FBXO4: variants seen among roughly 807,000 people sequenced by gnomAD.
FBXO4 encodes F-box only protein 4.
In FBXO4, 36 loss-of-function variants were observed where a neutral mutation model predicts 43.7. The observed-to-expected ratio is 0.82, with a 90% CI of 0.63 to 1.09. FBXO4 has a LOEUF of 1.09. FBXO4 is among the 50% of genes least tolerant of loss of function. The pLI is 0.00. For synonymous variants in FBXO4, 180 were observed against 165.6 expected (o/e 1.09, Z -0.67); for missense variants, 435 against 474.1 (o/e 0.92, Z 0.77).
At chr5:41,961,342 G>A in the FBXO4 span, among the ~76,000 whole-genome samples, 7 of 152,084 alleles carry the variant, frequency 4.6e-5, no homozygotes, top group Admixed American at 2.0e-4. Flanking sequence ...TCTTCACACT[G>A]GGTCTACTTT....
chr5:41,951,426 A>G, the FBXO4 span: 1 of 233,266 alleles, frequency 4.3e-6, no homozygotes, highest in Non-Finnish European at 8.4e-6. Context: ...GAATAGGCAC[A>G]AAGCACACAT....
At chr5:42,020,492 G>C in the FBXO4 span, among the ~76,000 whole-genome samples, 1 of 152,134 alleles carries the variant, frequency 6.6e-6, no homozygotes, top group Non-Finnish European at 1.5e-5. Context: ...GTTTATCTGT[G>C]ATTACCAGAA....
the FBXO4 span, among the ~76,000 whole-genome samples, chr5:41,949,885 G>A: frequency 7.2e-5 from 11 of 152,082 alleles, no homozygotes; most frequent in African/African-American, 2.7e-4. Context: ...CAATGGAACA[G>A]AACAGAGCCC....
chr5:42,001,548 GTC>G, the FBXO4 span, among the ~76,000 whole-genome samples: 1 of 152,236 alleles, frequency 6.6e-6, no homozygotes, highest in Non-Finnish European at 1.5e-5. Flanking sequence ...TTTCATTTAT[GTC>G]TGTCTTATTT....
chr5:42,006,677 C>T, the FBXO4 span, among the ~76,000 whole-genome samples: 1 of 151,394 alleles, frequency 6.6e-6, no homozygotes, highest in Non-Finnish European at 1.5e-5. Context: ...CTTTGTTTGA[C>T]ACTGGTTGTG....
At chr5:42,006,337 T>C in the FBXO4 span, among the ~76,000 whole-genome samples, 11 of 152,206 alleles carry the variant, frequency 7.2e-5, no homozygotes, top group African/African-American at 2.2e-4. Flanking sequence ...TTTTATATCA[T>C]GCCAAGGACC....
the FBXO4 span, among the ~76,000 whole-genome samples, chr5:42,029,260 C>T: frequency 2.6e-5 from 4 of 152,146 alleles, no homozygotes; most frequent in Admixed American, 2.6e-4. Context: ...TTATATACGT[C>T]ATGCCACTCT....
chr5:41,967,134 G>GAGTT, the FBXO4 span: 1 of 366,656 alleles, frequency 2.7e-6, no homozygotes, highest in Middle Eastern at 4.0e-4. Context: ...GAAGACACAA[G>GAGTT]AGTTAGTTAG....
chr5:42,034,346 G>C, the FBXO4 span, among the ~76,000 whole-genome samples: 1 of 152,074 alleles, frequency 6.6e-6, no homozygotes, highest in Non-Finnish European at 1.5e-5. Context: ...TTCTTTTGCT[G>C]TGCAAAAGCT....
the FBXO4 span, among the ~76,000 whole-genome samples, chr5:41,966,481 A>C: frequency 6.6e-6 from 1 of 152,202 alleles, no homozygotes; most frequent in Non-Finnish European, 1.5e-5. Flanking sequence ...AAGTGGGGAG[A>C]TCTTACTAAG....
chr5:41,967,952 C>T, the FBXO4 span: 1 of 506,790 alleles, frequency 2.0e-6, no homozygotes, highest in South Asian at 1.5e-5. Flanking sequence ...CAGAGACTTG[C>T]AGGAGTTTTG....
the FBXO4 span, among the ~76,000 whole-genome samples, chr5:41,950,050 A>G: frequency 5.9e-5 from 9 of 152,234 alleles, no homozygotes; most frequent in South Asian, 1.2e-3. Context: ...CTTACACCTT[A>G]TACAAAAATT....
At chr5:41,965,966 CA>C in the FBXO4 span, among the ~76,000 whole-genome samples, 3 of 152,106 alleles carry the variant, frequency 2.0e-5, no homozygotes, top group Non-Finnish European at 4.4e-5. Context: ...ACTATGCAGC[CA>C]TTAAAAATGA....
chr5:42,021,714 A>G, the FBXO4 span, among the ~76,000 whole-genome samples: 1 of 152,154 alleles, frequency 6.6e-6, no homozygotes, highest in Non-Finnish European at 1.5e-5. Context: ...TTCCCTTTAT[A>G]AAGGGACTGG....
chr5:41,990,858 C>A, the FBXO4 span, among the ~76,000 whole-genome samples: 1 of 152,126 alleles, frequency 6.6e-6, no homozygotes, highest in African/African-American at 2.4e-5. Context: ...GGAAGAAGTT[C>A]TTGCTCCTTA....
the FBXO4 span, among the ~76,000 whole-genome samples, chr5:41,949,450 A>T: frequency 6.6e-6 from 1 of 152,204 alleles, no homozygotes; most frequent in Non-Finnish European, 1.5e-5. Flanking sequence ...ATCATGAGTG[A>T]ACTCCCATTC....
chr5:41,939,370 G>T (rs1751936540), intron 5 of FBXO4, 71 bp from the exon 6 acceptor site: 2 of 1,397,442 alleles, frequency 1.4e-6, no homozygotes, highest in African/African-American at 2.9e-5. Context: ...CGCTTTGTTA[G>T]TTTTTTATTT....
downstream of FBXO4, among the ~76,000 whole-genome samples, chr5:41,946,001 T>C (rs927025589): frequency 1.3e-5 from 2 of 152,236 alleles, no homozygotes; most frequent in South Asian, 2.1e-4. Context: ...ACAGATGTTA[T>C]GTTACAGAAT....
chr5:41,949,697 A>T, the FBXO4 span, among the ~76,000 whole-genome samples: 1 of 152,246 alleles, frequency 6.6e-6, no homozygotes, highest in Non-Finnish European at 1.5e-5. Context: ...CTTTCTTCAC[A>T]GATTTGGAAA....
Sources: allele counts gnomAD v4.1 joint callset (sites outside exome capture counted in the v4.1 genomes callset), GRCh38; gene constraint gnomAD v4.1.1; transcripts MANE v1.5; gene names NCBI Gene and HGNC (gene_info 2026-07-23, HGNC 2026-07-21).